SPDYC: variants seen among roughly 807,000 people sequenced by gnomAD.
SPDYC encodes the protein speedy protein C.
Under a neutral mutation model 33.9 loss-of-function variants are expected in SPDYC, and 25 were observed. That is an observed-to-expected ratio of 0.74 (90% CI 0.54 to 1.03). SPDYC has a LOEUF of 1.03. Among genes scored for constraint, SPDYC ranks in the 50% least tolerant of loss-of-function variants. The pLI, the probability that SPDYC is intolerant of heterozygous loss-of-function variation, is 0.00. For missense variants in SPDYC, 349 were observed against 382.9 expected (o/e 0.91, Z 0.74); for synonymous variants, 133 against 140.2 (o/e 0.95, Z 0.36).
At chr11:65,172,146 C>A in intron 3 of SPDYC, 100 bp from the exon 4 acceptor site, 1 of 1,532,222 alleles carries the variant, frequency 6.5e-7, no homozygotes, top group Non-Finnish European at 9.0e-7. Flanking sequence ...TACTGACTTT[C>A]TTTCCCTGCA....
At chr11:65,172,029 T>C (rs749478152) in intron 3 of SPDYC, 28 bp downstream of exon 3, 6 of 1,612,682 alleles carry the variant, frequency 3.7e-6, no homozygotes, top group Admixed American at 3.3e-5. Context: ...GGGGGTCTCT[T>C]GAGGGTCAGG....
rs1377295067 is a variant in SPDYC at position 65,173,000 on chromosome 11, CCTACTCCCTCCGCAGTGAGTG to C, written c.835_847+8del. 6.2e-7 allele frequency: 1 copy of C among 1,613,530 alleles called. No individual in the cohort carries two copies. The highest frequency in any genetic ancestry group is 1.7e-5 in the Admixed American group (1 of 59,980). Reference sequence around the variant, plus strand: ...CCCCAGATGCAACTGGAACCAGGCACCTACTCCCTCCGCAGTGAGTGCAGGATGGGACAGGAGCTGGGGGCT... The same window carrying C: ...CCCCAGATGCAACTGGAACCAGGCACCAGGATGGGACAGGAGCTGGGGGCT... On this transcript the variant is annotated splice_donor_variant and splice_donor_5th_base_variant and coding_sequence_variant and intron_variant, in exon 6 of 7. Transcript: ENST00000377185. LOFTEE classifies it high-confidence loss of function.
chr11:65,172,580 T>C (rs1250997862), exon 5 of SPDYC: 5 of 1,553,934 alleles, frequency 3.2e-6, no homozygotes, highest in Non-Finnish European at 3.5e-6. Context: ...TTCCGGGCTG[T>C]TGTGAGCCGC....
intron 1 of SPDYC, among the ~76,000 whole-genome samples, chr11:65,170,938 C>T (rs1348415227): frequency 6.6e-6 from 1 of 152,148 alleles, no homozygotes; most frequent in African/African-American, 2.4e-5. Flanking sequence ...CCAAGGGCTT[C>T]ACTTTTAACC....
rs1447693414 is a variant in SPDYC at position 65,170,279 on chromosome 11, A to G, written c.26+18A>G. On this transcript the variant is annotated intron_variant, in intron 1 of 6. Coordinates refer to ENST00000377185, the Ensembl canonical transcript of SPDYC. ...GAGCTCGGGTAAGGCTCGCTGCAGG[A>G]GGAGGCTGGGTTGCTTGCGGGCGCC... 4 of 1,576,786 alleles carry G rather than the reference A, an allele frequency of 2.5e-6. No homozygotes were observed. The highest frequency in any genetic ancestry group is 4.8e-5 in the East Asian group (2 of 41,680).
chr11:65,171,939 T>C lies in SPDYC; in HGVS notation c.200-4T>C. 1.9e-6 allele frequency: 3 copies of C among 1,614,042 alleles called. No homozygotes were observed. Among genetic ancestry groups the C allele is most frequent in the Non-Finnish European group, 2.5e-6 (3 of 1,179,956 alleles). On this transcript the variant is annotated splice_polypyrimidine_tract_variant and splice_region_variant and intron_variant, in intron 2 of 6. Coordinates refer to ENST00000377185, the Ensembl canonical transcript of SPDYC. ...GCGTCCTGTCATGTCTTCTCTACCC[T>C]CAGAGGACAGTTTTGTCCAGGAATT...
At chr11:65,170,902 C>CA (rs1565371569) in intron 1 of SPDYC, among the ~76,000 whole-genome samples, 1 of 152,000 alleles carries the variant, frequency 6.6e-6, no homozygotes, top group Non-Finnish European at 1.5e-5. Context: ...AAACAAAAAC[C>CA]AAAAAACCTC....
At chr11:65,171,840 G>A (rs1948438303) in intron 2 of SPDYC, 103 bp from the exon 3 acceptor site, 3 of 984,666 alleles carry the variant, frequency 3.0e-6, no homozygotes, top group Non-Finnish European at 3.2e-6. Context: ...AAGAGAAAGA[G>A]AGAGAGGGTT....
chr11:65,170,258 T>G (rs759197769), exon 1 of SPDYC: 43 of 1,580,162 alleles, frequency 2.7e-5, no homozygotes, highest in Non-Finnish European at 3.4e-5. Flanking sequence ...ATTCCTGAGC[T>G]CGGGTAAGGC....
intron 1 of SPDYC, among the ~76,000 whole-genome samples, chr11:65,170,558 G>T (rs1476692154): frequency 6.6e-6 from 1 of 151,962 alleles, no homozygotes; most frequent in Non-Finnish European, 1.5e-5. Context: ...GGGGGTGGTT[G>T]TGAGTTGGGG....
rs1477484994 is a variant in SPDYC, at chr11:65,171,362, G to A, written c.62G>A (p.Ser21Asn). Residue 21 changes from serine (S) to asparagine (N), a missense_variant, in exon 2 of 7, where the codon AGT becomes AAT. By Grantham distance (46) the Ser-to-Asn change is conservative. Transcript: ENST00000377185. Reference sequence around the variant, plus strand: ...CCCATCTCCATCTCCTATGAGATGAGTGACTCCCAAGACCCCACCACTTCC... The same window carrying A: ...CCCATCTCCATCTCCTATGAGATGAATGACTCCCAAGACCCCACCACTTCC... 5 of 1,612,750 alleles carry A rather than the reference G, an allele frequency of 3.1e-6. No individual in the cohort carries two copies. In the South Asian group the frequency reaches 3.3e-5, roughly 11 times the overall value.
At chr11:65,170,882 C>T (rs563569215) in intron 1 of SPDYC, among the ~76,000 whole-genome samples, 1 of 151,870 alleles carries the variant, frequency 6.6e-6, no homozygotes, top group African/African-American at 2.4e-5. Context: ...GACTGTGTCT[C>T]AAAACAAACA....
chr11:65,170,980 TTGACGACCGGTC>T (rs1948424214), intron 1 of SPDYC, among the ~76,000 whole-genome samples: 1 of 152,174 alleles, frequency 6.6e-6, no homozygotes, highest in South Asian at 2.1e-4. Context: ...GTTTCCTCGT[TTGACGACCGGTC>T]TGAGTTAAAC....
At position 65,171,504 on chromosome 11, in the gene SPDYC, G is replaced by A; in HGVS notation, c.199+5G>A. 6.4e-7 allele frequency: 1 copy of A among 1,558,006 alleles called. No individual in the cohort carries two copies. The highest frequency in any genetic ancestry group is 8.7e-7 in the Non-Finnish European group (1 of 1,154,834). On this transcript the variant is annotated splice_donor_5th_base_variant and intron_variant, in intron 2 of 6. Coordinates refer to ENST00000377185, the Ensembl canonical transcript of SPDYC. ...AGGCCTTCCTCAGCCTTCTGGGTGAGTTTGGAGGGCTGGCACGGGAGGGGC... is the reference window on the plus strand; with the variant it reads ...AGGCCTTCCTCAGCCTTCTGGGTGAATTTGGAGGGCTGGCACGGGAGGGGC...
chr11:65,171,177 C>T (rs931779431), intron 1 of SPDYC, 150 bp from the exon 2 acceptor site: 14 of 809,396 alleles, frequency 1.7e-5, no homozygotes, highest in Admixed American at 3.1e-5. Context: ...TTTCTGGCCT[C>T]CCCACTCTTG....
At chr11:65,170,301 C>A in intron 1 of SPDYC, 40 bp downstream of exon 1, 3 of 1,552,478 alleles carry the variant, frequency 1.9e-6, no homozygotes, top group Non-Finnish European at 2.6e-6. Flanking sequence ...TGCTTGCGGG[C>A]GCCTAGATGG....
At chr11:65,171,959 G>C in exon 3 of SPDYC, 1 of 1,614,068 alleles carries the variant, frequency 6.2e-7, no homozygotes, top group Non-Finnish European at 8.5e-7. Flanking sequence ...GTTTTGTCCA[G>C]GAATTCCTCT....
intron 1 of SPDYC, among the ~76,000 whole-genome samples, chr11:65,170,949 G>A (rs1406843829): frequency 1.3e-5 from 2 of 152,084 alleles, no homozygotes; most frequent in African/African-American, 2.4e-5. Flanking sequence ...ACTTTTAACC[G>A]GCTGTTAGGC....
chr11:65,170,989 G>T (rs1352545037), intron 1 of SPDYC, among the ~76,000 whole-genome samples: 1 of 152,140 alleles, frequency 6.6e-6, no homozygotes, highest in African/African-American at 2.4e-5. Context: ...TTTGACGACC[G>T]GTCTGAGTTA....
Sources: gnomAD v4.1 joint callset for allele counts (sites outside exome capture counted in the v4.1 genomes callset) on GRCh38, gnomAD v4.1.1 for gene constraint, MANE v1.5 for transcripts, NCBI Gene and HGNC (gene_info 2026-07-23, HGNC 2026-07-21) for gene names.